The following RALYL variants were observed in gnomAD, a reference collection of about 807,000 sequenced individuals.
RALYL encodes RNA-binding Raly-like protein.
Under a neutral mutation model 35.1 loss-of-function variants are expected in RALYL, and 29 were observed. That is an observed-to-expected ratio of 0.83 (90% CI 0.61 to 1.13). RALYL has a LOEUF of 1.13. Ranked by LOEUF, RALYL falls within the 50% of genes most tolerant of loss-of-function variation. The pLI is 0.00. For missense variants in RALYL, 359 were observed against 360.4 expected, an observed-to-expected ratio of 1.00 and a Z score of 0.03; for synonymous variants, 120 against 127.6, an observed-to-expected ratio of 0.94 and a Z score of 0.40.
chr8:84,334,423 A>G (rs1847385542), intron 1 of RALYL, among the ~76,000 whole-genome samples: 1 of 151,880 alleles, frequency 6.6e-6, no homozygotes, highest in South Asian at 2.1e-4. Flanking sequence ...AGCAAATTAC[A>G]AACATGTTCT....
intron 5 of RALYL, among the ~76,000 whole-genome samples, chr8:84,858,409 G>A (rs1280664192): frequency 2.6e-5 from 4 of 152,068 alleles, no homozygotes; most frequent in Non-Finnish European, 4.4e-5. Flanking sequence ...AAGTATTTGG[G>A]AGAAAATTAT....
At chr8:84,221,076 C>T (rs1563555952) in intron 1 of RALYL, among the ~76,000 whole-genome samples, 1 of 151,878 alleles carries the variant, frequency 6.6e-6, no homozygotes, top group Non-Finnish European at 1.5e-5. Flanking sequence ...TGTAAAAGAA[C>T]AATAATCACT....
At chr8:84,684,364 C>T (rs990983921) in intron 2 of RALYL, among the ~76,000 whole-genome samples, 27 of 152,092 alleles carry the variant, frequency 1.8e-4, no homozygotes, top group African/African-American at 3.9e-4. Context: ...TCACTGCCTT[C>T]AAGGAGCATA....
At chr8:84,505,626 A>C (rs573156200) in intron 1 of RALYL, among the ~76,000 whole-genome samples, 2 of 151,814 alleles carry the variant, frequency 1.3e-5, no homozygotes, top group Non-Finnish European at 2.9e-5. Flanking sequence ...ATTGCACGAC[A>C]CTGAGGGTTA....
intron 2 of RALYL, among the ~76,000 whole-genome samples, chr8:84,740,239 T>C (rs576254272): frequency 5.3e-5 from 8 of 152,080 alleles, no homozygotes; most frequent in Admixed American, 2.0e-4. Context: ...AATATCTAGA[T>C]TCATCCACTG....
At chr8:84,598,160 C>A (rs761756012) in intron 2 of RALYL, among the ~76,000 whole-genome samples, 1 of 152,122 alleles carries the variant, frequency 6.6e-6, no homozygotes, top group Non-Finnish European at 1.5e-5. Context: ...TATCATGTAA[C>A]TTTCGCATTA....
chr8:84,279,133 A>G (rs996618421), intron 1 of RALYL, among the ~76,000 whole-genome samples: 1 of 152,202 alleles, frequency 6.6e-6, no homozygotes, highest in African/African-American at 2.4e-5. Flanking sequence ...GCAAGAGAGC[A>G]TGTGCAGGGG....
chr8:84,840,357 G>A (rs1216757508), intron 4 of RALYL, among the ~76,000 whole-genome samples: 3 of 152,162 alleles, frequency 2.0e-5, no homozygotes, highest in Non-Finnish European at 2.9e-5. Context: ...TCAACTGGAA[G>A]AAAGGGTATC....
At chr8:84,305,642 T>C (rs1019247605) in intron 1 of RALYL, among the ~76,000 whole-genome samples, 10 of 152,226 alleles carry the variant, frequency 6.6e-5, no homozygotes, top group African/African-American at 1.7e-4. Flanking sequence ...ACTTTTCATA[T>C]AGTTTATTTG....
chr8:84,790,268 T>A (rs1820467671), intron 3 of RALYL, among the ~76,000 whole-genome samples: 1 of 152,184 alleles, frequency 6.6e-6, no homozygotes, highest in East Asian at 1.9e-4. Flanking sequence ...ACAGCCAAAT[T>A]TTAGGGACAA....
intron 2 of RALYL, among the ~76,000 whole-genome samples, chr8:84,697,522 A>G (rs1236586512): frequency 2.6e-5 from 4 of 152,094 alleles, no homozygotes; most frequent in Admixed American, 6.6e-5. Context: ...TTATCATTTC[A>G]GTGGACTTCA....
intron 1 of RALYL, among the ~76,000 whole-genome samples, chr8:84,496,554 C>G (rs1168682879): frequency 6.6e-6 from 1 of 152,138 alleles, no homozygotes; most frequent in Non-Finnish European, 1.5e-5. Flanking sequence ...TATATATACA[C>G]TTAAATCATT....
chr8:84,187,206 T>G (rs1812752228), intron 1 of RALYL, among the ~76,000 whole-genome samples: 1 of 152,090 alleles, frequency 6.6e-6, no homozygotes, highest in Non-Finnish European at 1.5e-5. Flanking sequence ...AATGAAAACC[T>G]GTTAAATTTT....
intron 2 of RALYL, among the ~76,000 whole-genome samples, chr8:84,623,544 G>C (rs1822046444): frequency 6.6e-6 from 1 of 152,080 alleles, no homozygotes; most frequent in Admixed American, 6.6e-5. Context: ...GATGATTGCT[G>C]ACCTTGAGAA....
intron 2 of RALYL, among the ~76,000 whole-genome samples, chr8:84,547,471 G>T (rs2060440527): frequency 6.6e-6 from 1 of 151,880 alleles, no homozygotes; most frequent in Admixed American, 6.6e-5. Flanking sequence ...CTGCCTCCCG[G>T]GTTCAAGTGA....
intron 4 of RALYL, among the ~76,000 whole-genome samples, chr8:84,842,657 C>G (rs1586704398): frequency 6.6e-6 from 1 of 152,190 alleles, no homozygotes; most frequent in East Asian, 1.9e-4. Flanking sequence ...CTGGCAGAGA[C>G]ACAACAGAAA....
chr8:84,416,782 G>T (rs953604378), intron 1 of RALYL, among the ~76,000 whole-genome samples: 1 of 152,070 alleles, frequency 6.6e-6, no homozygotes, highest in African/African-American at 2.4e-5. Flanking sequence ...ATGCATTCTA[G>T]TTTGGATAGT....
chr8:84,761,963 G>T (rs113376173), intron 2 of RALYL, among the ~76,000 whole-genome samples: 62 of 152,238 alleles, frequency 4.1e-4, no homozygotes, highest in African/African-American at 1.5e-3. Flanking sequence ...TGACACTTGA[G>T]CAAAGATTTG....
At chr8:84,714,013 A>AAC (rs1278664036) in intron 2 of RALYL, among the ~76,000 whole-genome samples, 2 of 151,160 alleles carry the variant, frequency 1.3e-5, no homozygotes, top group East Asian at 3.9e-4. Context: ...ATATAGATAC[A>AAC]ACACACACAC....
Sources: allele counts gnomAD v4.1 joint callset (sites outside exome capture counted in the v4.1 genomes callset), GRCh38; gene constraint gnomAD v4.1.1; transcripts MANE v1.5; gene names NCBI Gene and HGNC (gene_info 2026-07-23, HGNC 2026-07-21).